The following C8A variants were observed in gnomAD, a reference collection of about 807,000 sequenced individuals.
The protein encoded by C8A is complement C8 alpha chain.
Under a neutral mutation model 65.3 loss-of-function variants are expected in C8A, and 67 were observed. The ratio of observed to expected loss-of-function variants is 1.03; its 90% CI spans 0.84 to 1.26. The LOEUF (loss-of-function observed/expected upper bound fraction) is 1.26. C8A is among the 50% of genes most tolerant of loss of function. The pLI, the probability that C8A is intolerant of heterozygous loss-of-function variation, is 0.00. For missense variants in C8A, 781 were observed against 723.9 expected (o/e 1.08, Z -0.90); for synonymous variants, 290 against 259.4 (o/e 1.12, Z -1.13).
In C8A at chr1:56,893,645, C is replaced by T. The variant is rs7535170; in HGVS notation, c.1096+7478C>T. 8.9e-3 allele frequency among the ~76,000 whole-genome samples: 1,359 copies of T among 152,252 alleles called. 19 individuals are homozygous for T. The highest frequency in any genetic ancestry group is 0.031 in the African/African-American group (1,285 of 41,540). On this transcript the variant is annotated intron_variant, in intron 7 of 10. Coordinates refer to ENST00000361249, the MANE Select transcript of C8A (RefSeq NM_000562.3). ...TTGGAAACATGGACCCTGCCACTTA[C>T]TAACTGTGTAATCATGGGCAGATAA...
chr1:56,891,041 G>A (rs756554393), intron 7 of C8A, among the ~76,000 whole-genome samples: 14 of 151,936 alleles, frequency 9.2e-5, no homozygotes, highest in South Asian at 2.1e-4. Flanking sequence ...ATATAATCGC[G>A]AATTGTGATA....
intron 2 of C8A, among the ~76,000 whole-genome samples, chr1:56,869,521 C>T (rs956018809): frequency 5.3e-5 from 8 of 151,884 alleles, no homozygotes; most frequent in Non-Finnish European, 1.2e-4. Context: ...TTTTTTTCCG[C>T]TTAGGTAGAT....
intron 10 of C8A, among the ~76,000 whole-genome samples, chr1:56,916,325 G>A (rs1644550986): frequency 6.6e-6 from 1 of 152,200 alleles, no homozygotes; most frequent in African/African-American, 2.4e-5. Flanking sequence ...TGGCCTTGGG[G>A]CTGTCATACT....
rs200534363 is a variant in C8A at position 56,917,754 on chromosome 1, G to A, written c.*38G>A. 7.4e-6 allele frequency: 12 copies of A among 1,611,790 alleles called. No individual in the cohort carries two copies. The East Asian group carries it at 2.7e-4, about 36-fold the overall frequency. On this transcript the variant is annotated 3_prime_UTR_variant, in exon 11 of 11. Transcript: ENST00000361249. ...ACAGGCTGGACCAGATGCTGTGGAT[G>A]TCGACCCCTGCACTGACTATTGGAT...
chr1:56,880,941 C>T (rs1414702391), intron 4 of C8A, among the ~76,000 whole-genome samples: 1 of 152,196 alleles, frequency 6.6e-6, no homozygotes, highest in African/African-American at 2.4e-5. Flanking sequence ...GACTGTCTGG[C>T]TGCTGCCCTT....
intron 9 of C8A, among the ~76,000 whole-genome samples, chr1:56,910,044 G>A (rs940189266): frequency 6.6e-6 from 1 of 152,130 alleles, no homozygotes; most frequent in East Asian, 1.9e-4. Context: ...AAAAGAGAAT[G>A]CTCACAGGGA....
chr1:56,880,558 T>G (rs2101229724), intron 4 of C8A, among the ~76,000 whole-genome samples: 1 of 152,258 alleles, frequency 6.6e-6, no homozygotes, highest in South Asian at 2.1e-4. Flanking sequence ...TCTCCCTGAC[T>G]TTTGAACTGT....
chr1:56,867,128 C>T (rs1644096855), intron 1 of C8A, among the ~76,000 whole-genome samples: 3 of 152,170 alleles, frequency 2.0e-5, no homozygotes, highest in Admixed American at 2.0e-4. Context: ...GTAAACCTTT[C>T]ATAAGCATTT....
intron 7 of C8A, among the ~76,000 whole-genome samples, chr1:56,903,358 A>G (rs1354808175): frequency 2.0e-5 from 3 of 152,172 alleles, no homozygotes; most frequent in Non-Finnish European, 4.4e-5. Context: ...TCTTGGTGCC[A>G]TGGGAAGAAG....
intron 1 of C8A, among the ~76,000 whole-genome samples, chr1:56,864,126 G>C (rs1644061270): frequency 6.6e-6 from 1 of 152,144 alleles, no homozygotes; most frequent in African/African-American, 2.4e-5. Flanking sequence ...TGCAGAGATT[G>C]ACGAAATCAT....
chr1:56,912,557 G>T lies in C8A; in HGVS notation c.1535G>T (p.Gly512Val), dbSNP rs1570355372. Residue 512 changes from glycine (G) to valine (V), a missense_variant, in exon 10 of 11, where the codon GGC (glycine) becomes GTC (valine). Physicochemically the swap from Gly to Val is moderately radical, Grantham distance 109 (BLOSUM62 -3). Coordinates refer to ENST00000361249, the MANE Select transcript of C8A (RefSeq NM_000562.3). ...AACAATGGGGTGCCCATCCTCGAGG[G>T]CACCAGCTGCAGGTGCCAGTGCCGC... is the stretch of plus-strand genomic sequence containing the variant. ...CFNNGVPILE[G>V]TSCRCQCRLG... The T allele has an allele frequency of 6.2e-7, 1 of 1,614,210 alleles. No individual in the cohort carries two copies. The highest frequency in any genetic ancestry group is 8.5e-7 in the Non-Finnish European group (1 of 1,180,034).
rs759112981 is a variant in C8A at position 56,917,570 on chromosome 1, A to C, written c.1609A>C (p.Lys537Gln). The C allele has an allele frequency of 1.2e-6, 2 of 1,614,046 alleles. No individual in the cohort carries two copies. Among genetic ancestry groups the C allele is most frequent in the Non-Finnish European group, 1.7e-6 (2 of 1,180,026 alleles). The change falls in exon 11 of 11, where the codon AAA (lysine) becomes CAA (glutamine). Residue 537 changes from lysine to glutamine, a missense_variant. By Grantham distance (53) the Lys-to-Gln change is moderately conservative. Coordinates refer to ENST00000361249, the MANE Select transcript of C8A (RefSeq NM_000562.3). ...CTGGGAAATTTCCTCTGCAGGAGCC[A>C]AAGCAGATGGGAGCTGGAGTTGCTG... ...ACEQTQTEGA[K>Q]ADGSWSCWSS...
At chr1:56,890,051 G>C (rs908768946) in intron 7 of C8A, among the ~76,000 whole-genome samples, 10 of 151,952 alleles carry the variant, frequency 6.6e-5, no homozygotes, top group African/African-American at 2.4e-4. Flanking sequence ...TTTGTATCAA[G>C]GTATACAAAA....
At chr1:56,857,807 G>T (rs897409643) in intron 1 of C8A, among the ~76,000 whole-genome samples, 2 of 151,622 alleles carry the variant, frequency 1.3e-5, no homozygotes, top group African/African-American at 2.4e-5. Context: ...GAAAATTTTT[G>T]CCATGATTCA....
intron 7 of C8A, among the ~76,000 whole-genome samples, chr1:56,898,087 G>T (rs1644399631): frequency 6.6e-6 from 1 of 152,132 alleles, no homozygotes; most frequent in African/African-American, 2.4e-5. Context: ...GAAGGGAGTT[G>T]CATGGGAATG....
intron 7 of C8A, among the ~76,000 whole-genome samples, chr1:56,903,977 A>G (rs1644445071): frequency 6.6e-6 from 1 of 152,178 alleles, no homozygotes; most frequent in Non-Finnish European, 1.5e-5. Context: ...AGTTAAGCCT[A>G]AGGAGTGCAG....
intron 2 of C8A, among the ~76,000 whole-genome samples, chr1:56,869,452 G>A (rs1448960358): frequency 6.6e-6 from 1 of 152,066 alleles, no homozygotes; most frequent in Non-Finnish European, 1.5e-5. Context: ...CCATAGTTTT[G>A]CAATTGTGAA....
At chr1:56,889,952 C>T (rs1644331598) in intron 7 of C8A, among the ~76,000 whole-genome samples, 1 of 152,130 alleles carries the variant, frequency 6.6e-6, no homozygotes, top group Non-Finnish European at 1.5e-5. Flanking sequence ...CTACCTTCCG[C>T]AGGTATCAGT....
intron 9 of C8A, 57 bp downstream of exon 9, chr1:56,908,170 G>C: frequency 6.5e-7 from 1 of 1,533,946 alleles, no homozygotes; most frequent in Non-Finnish European, 9.0e-7. Context: ...AAGTGAAGCA[G>C]ACCAGATCAT....
Sources: allele counts gnomAD v4.1 joint callset (sites outside exome capture counted in the v4.1 genomes callset), GRCh38; gene constraint gnomAD v4.1.1; transcripts MANE v1.5; gene names NCBI Gene and HGNC (gene_info 2026-07-23, HGNC 2026-07-21).